PAFAH1B1: variants seen among roughly 807,000 people sequenced by gnomAD.
PAFAH1B1 encodes the protein platelet activating factor acetylhydrolase 1b regulatory subunit 1, also known as platelet-activating factor acetylhydrolase IB subunit beta.
Under a neutral mutation model 57.5 loss-of-function variants are expected in PAFAH1B1, and 2 were observed. The ratio of observed to expected loss-of-function variants is 0.03; its 90% CI spans 0.01 to 0.11. The LOEUF (loss-of-function observed/expected upper bound fraction) is 0.11. PAFAH1B1 is among the 10% of genes least tolerant of loss of function. The pLI, the probability that PAFAH1B1 is intolerant of heterozygous loss-of-function variation, is 1.00. For missense variants in PAFAH1B1, 257 were observed against 512.0 expected (o/e 0.50, Z 4.81); for synonymous variants, 152 against 169.6 (o/e 0.90, Z 0.81).
Position 2,681,768 on chromosome 17 carries a change from T to C in PAFAH1B1, c.1199T>C (p.Val400Ala), listed in dbSNP as rs2151675417. The part of the protein sequence containing the change: ...KTAPYVVTGS[V>A]DQTVKVWECR ...GCACCCTATGTCGTCACTGGCAGCG[T>C]AGATCAAACAGTAAAAGTGTGGGAG... Residue 400 changes from valine to alanine, a missense_variant, in exon 11 of 11, where the codon GTA becomes GCA. By Grantham distance (64) the Val-to-Ala change is moderately conservative. Coordinates refer to ENST00000397195, the MANE Select transcript of PAFAH1B1 (RefSeq NM_000430.4). 1 of 1,612,824 alleles carries C rather than the reference T, an allele frequency of 6.2e-7. No homozygotes were observed. The highest frequency in any genetic ancestry group is 8.5e-7 in the Non-Finnish European group (1 of 1,179,966).
intron 1 of PAFAH1B1, among the ~76,000 whole-genome samples, chr17:2,608,624 A>T (rs181895644): frequency 4.6e-5 from 7 of 152,310 alleles, no homozygotes; most frequent in African/African-American, 1.7e-4. Flanking sequence ...CAACATAGTG[A>T]GACCCTGTCT....
chr17:2,635,797 T>G (rs1395260716), intron 1 of PAFAH1B1, among the ~76,000 whole-genome samples: 1 of 151,884 alleles, frequency 6.6e-6, no homozygotes, highest in Non-Finnish European at 1.5e-5. Flanking sequence ...TTGCCCTACC[T>G]CGTTTTCACT....
intron 6 of PAFAH1B1, among the ~76,000 whole-genome samples, chr17:2,672,324 C>T (rs1024189926): frequency 4.1e-5 from 6 of 146,102 alleles, no homozygotes; most frequent in African/African-American, 1.5e-4. Flanking sequence ...GTTTCCCTAG[C>T]GTTCATATGT....
chr17:2,615,077 C>T (rs1341992452), intron 1 of PAFAH1B1, among the ~76,000 whole-genome samples: 1 of 152,182 alleles, frequency 6.6e-6, no homozygotes, highest in Non-Finnish European at 1.5e-5. Context: ...ATAGTTGTGT[C>T]AGTACTGAAC....
At chr17:2,637,997 A>T (rs2068645126) in intron 1 of PAFAH1B1, 102 bp from the exon 2 acceptor site, 1 of 448,346 alleles carries the variant, frequency 2.2e-6, no homozygotes, top group African/African-American at 2.0e-5. Context: ...ATTTATACTA[A>T]CATCACAATA....
intron 1 of PAFAH1B1, chr17:2,613,464 G>A: frequency 4.1e-6 from 1 of 241,232 alleles, no homozygotes. Flanking sequence ...AGTGTTGGTG[G>A]CTGCAGCGGC....
intron 1 of PAFAH1B1, among the ~76,000 whole-genome samples, chr17:2,623,117 G>A (rs2068445029): frequency 6.6e-6 from 1 of 152,198 alleles, no homozygotes. Flanking sequence ...GCCTGTGATG[G>A]GAGGGGCTGC....
At position 2,672,669 on chromosome 17, in the gene PAFAH1B1, G is replaced by A; in HGVS notation, c.583G>A (p.Val195Ile). The A allele has an allele frequency of 6.2e-7, 1 of 1,610,824 alleles. No homozygotes were observed. The highest frequency in any genetic ancestry group is 8.5e-7 in the Non-Finnish European group (1 of 1,177,112). ...ATGTGTTTTAGGCCATGACCACAAT[G>A]TTTCTTCAGTAGCCATCATGCCCAA... is the stretch of plus-strand genomic sequence containing the variant. ...IRTMHGHDHN[V>I]SSVAIMPNGD... is the part of the protein sequence containing the mutation. The change falls in exon 7 of 11, where the codon GTT (valine) becomes ATT (isoleucine). Residue 195 changes from valine to isoleucine, a missense_variant. Coordinates refer to ENST00000397195, the MANE Select transcript of PAFAH1B1 (RefSeq NM_000430.4).
chr17:2,626,555 C>CT (rs1363300271), intron 1 of PAFAH1B1, among the ~76,000 whole-genome samples: 1 of 19,280 alleles, frequency 5.2e-5, no homozygotes, highest in Non-Finnish European at 1.1e-4. Flanking sequence ...ACCTTTCTTC[C>CT]CCCCCCCCCC....
At chr17:2,660,324 C>T (rs996578213) in intron 2 of PAFAH1B1, among the ~76,000 whole-genome samples, 26 of 151,468 alleles carry the variant, frequency 1.7e-4, no homozygotes, top group Non-Finnish European at 3.2e-4. Context: ...TGGTGGTTTG[C>T]TGCACCTATC....
chr17:2,671,569 A>ATT (rs35904559), intron 6 of PAFAH1B1, among the ~76,000 whole-genome samples: 23 of 135,724 alleles, frequency 1.7e-4, no homozygotes, highest in African/African-American at 6.6e-4. Flanking sequence ...TTTCTAATGC[A>ATT]TTTTTTTTTT....
intron 2 of PAFAH1B1, among the ~76,000 whole-genome samples, chr17:2,642,838 T>A (rs1168342874): frequency 6.6e-6 from 1 of 152,174 alleles, no homozygotes; most frequent in East Asian, 1.9e-4. Context: ...TTCATCTTGC[T>A]TGTTTTCATC....
At position 2,669,019 on chromosome 17, in the gene PAFAH1B1, A is replaced by G. The variant is rs368903857; in HGVS notation, c.400-1144A>G. Among the ~76,000 whole-genome samples, 6 of 152,246 alleles carry G rather than the reference A, an allele frequency of 3.9e-5. No homozygotes were observed. In the East Asian group the frequency reaches 9.7e-4, roughly 25 times the overall value. ...ATTGTCAAGGTATTTTACCTATTAAATAAGAATTCCCAGTGATGATAAGAT... is the reference window on the plus strand; with the variant it reads ...ATTGTCAAGGTATTTTACCTATTAAGTAAGAATTCCCAGTGATGATAAGAT... On this transcript the variant is annotated intron_variant, in intron 5 of 10. Coordinates refer to ENST00000397195, the MANE Select transcript of PAFAH1B1 (RefSeq NM_000430.4).
chr17:2,664,469 G>A lies in PAFAH1B1; in HGVS notation c.33-903G>A, dbSNP rs1465669292. ...TGCCCAGGCTAGAGTGCAGTGATGCGGTCTTGGCTCACTGCAATCTCCGCC... is the reference window on the plus strand; with the variant it reads ...TGCCCAGGCTAGAGTGCAGTGATGCAGTCTTGGCTCACTGCAATCTCCGCC... On this transcript the variant is annotated intron_variant, in intron 2 of 10. Coordinates refer to ENST00000397195, the MANE Select transcript of PAFAH1B1 (RefSeq NM_000430.4). Among the ~76,000 whole-genome samples the A allele has an allele frequency of 4.6e-5, 7 of 151,096 alleles. No individual in the cohort carries two copies. The South Asian group carries it at 1.1e-3, about 23-fold the overall frequency.
chr17:2,608,891 A>G (rs909455507), intron 1 of PAFAH1B1, among the ~76,000 whole-genome samples: 2 of 152,222 alleles, frequency 1.3e-5, no homozygotes, highest in African/African-American at 2.4e-5. Context: ...TATTGCATCA[A>G]TTTTAGACCA....
intron 1 of PAFAH1B1, among the ~76,000 whole-genome samples, chr17:2,625,067 G>T (rs1042145199): frequency 1.3e-5 from 2 of 150,648 alleles, no homozygotes; most frequent in East Asian, 3.9e-4. Flanking sequence ...TTGTGGTGGG[G>T]TACTTACCCT....
At position 2,684,291 on chromosome 17, in the gene PAFAH1B1, T is replaced by A. The variant is rs1045466181; in HGVS notation, c.*2489T>A. 6.5e-6 allele frequency: 1 copy of A among 152,818 alleles called. No individual in the cohort carries two copies. Among genetic ancestry groups the A allele is most frequent in the African/African-American group, 2.4e-5 (1 of 41,458 alleles). The allele number at this position is 152,818 out of a possible 1,614,324, so 9.5% of individuals were successfully genotyped here. On this transcript the variant is annotated 3_prime_UTR_variant, in exon 11 of 11. Transcript: ENST00000397195. ...AATTTCCTGCACTGCTGTCTGACAC[T>A]GTCCTGTTGATGCCCTTTCTGACTG...
At chr17:2,677,418 G>A (rs1225721082) in intron 9 of PAFAH1B1, among the ~76,000 whole-genome samples, 2 of 152,166 alleles carry the variant, frequency 1.3e-5, no homozygotes, top group African/African-American at 4.8e-5. Flanking sequence ...GAGATCTGTG[G>A]ATGTTTGTTT....
chr17:2,673,747 T>C lies in PAFAH1B1; in HGVS notation c.672-313T>C, dbSNP rs1045112592. 4 of 323,708 alleles carry C rather than the reference T, an allele frequency of 1.2e-5. 1 individual carries two copies. Among genetic ancestry groups the C allele is most frequent in the Non-Finnish European group, 2.3e-5 (4 of 170,934 alleles). The allele number at this position is 323,708 out of a possible 1,614,324, so 20.1% of individuals were successfully genotyped here. A position where few individuals can be genotyped will look rare whatever the true frequency, so the allele number is the denominator to read the frequency against. Reference sequence around the variant, plus strand: ...GATTTTTGTAGTACAAAGTTACTAGTTTTACTCAGATTAGTAGAGCATAGC... The same window carrying C: ...GATTTTTGTAGTACAAAGTTACTAGCTTTACTCAGATTAGTAGAGCATAGC... On this transcript the variant is annotated intron_variant, in intron 7 of 10. Transcript: ENST00000397195.
Sources: gnomAD v4.1 joint callset for allele counts (sites outside exome capture counted in the v4.1 genomes callset) on GRCh38, gnomAD v4.1.1 for gene constraint, MANE v1.5 for transcripts, NCBI Gene and HGNC (gene_info 2026-07-23, HGNC 2026-07-21) for gene names.